The following MPDZ variants were observed in gnomAD, a reference collection of about 807,000 sequenced individuals.
The protein encoded by MPDZ is multiple PDZ domain crumbs cell polarity complex component.
A neutral mutation model predicts 239.1 loss-of-function variants in MPDZ; 234 were observed. That is an observed-to-expected ratio of 0.98 (90% CI 0.88 to 1.09). MPDZ has a LOEUF of 1.09. Ranked by LOEUF, MPDZ falls within the 50% of genes least tolerant of loss-of-function variation. MPDZ has a pLI of 0.00. For synonymous variants in MPDZ, 1,048 were observed against 881.3 expected, an observed-to-expected ratio of 1.19 and a Z score of -3.35; for missense variants, 3,175 against 2,510.0, an observed-to-expected ratio of 1.26 and a Z score of -5.66.
At position 13,119,518 on chromosome 9, in the gene MPDZ, A is replaced by AC. The variant is rs758314292; in HGVS notation, c.5362dup (p.Val1788GlyfsTer38). The stretch of plus-strand genomic sequence containing the variant: ...ATTTTTTACCTTTAGCAAAGCGGCA[A>AC]CCGCTTCTTGGGTGGCATTACGAAC... On this transcript the variant is annotated frameshift_variant, in exon 39 of 47. Coordinates refer to ENST00000319217, the MANE Select transcript of MPDZ (RefSeq NM_001378778.1). LOFTEE classifies it high-confidence loss of function. The AC allele has an allele frequency of 6.2e-7, 1 of 1,610,978 alleles. No individual in the cohort carries two copies. The highest frequency in any genetic ancestry group is 1.7e-5 in the Admixed American group (1 of 59,508).
intron 3 of MPDZ, among the ~76,000 whole-genome samples, chr9:13,239,044 A>T (rs1411673431): frequency 5.3e-5 from 8 of 152,216 alleles, no homozygotes; most frequent in Non-Finnish European, 1.2e-4. Context: ...ATAATTTATG[A>T]CTACAAACTG....
chr9:13,246,441 C>CA (rs1237883616), intron 3 of MPDZ, among the ~76,000 whole-genome samples: 1 of 151,812 alleles, frequency 6.6e-6, no homozygotes. Context: ...GACTCTGTCT[C>CA]AAAAAAATAA....
chr9:13,151,197 T>A (rs1949124126), intron 24 of MPDZ, among the ~76,000 whole-genome samples: 1 of 152,022 alleles, frequency 6.6e-6, no homozygotes, highest in Non-Finnish European at 1.5e-5. Context: ...GAAACCCTTG[T>A]GTACTGTTGG....
At chr9:13,193,117 GC>G (rs766138220) in intron 14 of MPDZ, 49 bp downstream of exon 14, 4 of 1,410,822 alleles carry the variant, frequency 2.8e-6, no homozygotes, top group Non-Finnish European at 3.7e-6. Context: ...CCTCCTGCAA[GC>G]TTTTCCATGT....
At chr9:13,113,389 T>TA (rs1162743235) in intron 41 of MPDZ, among the ~76,000 whole-genome samples, 2 of 152,230 alleles carry the variant, frequency 1.3e-5, no homozygotes. Context: ...ATGGATGCAT[T>TA]AAAAAAATTC....
intron 8 of MPDZ, among the ~76,000 whole-genome samples, chr9:13,218,370 G>C (rs1368112835): frequency 6.6e-6 from 1 of 151,728 alleles, no homozygotes; most frequent in African/African-American, 2.4e-5. Context: ...GTTTTAAAAG[G>C]GGCACAAGCT....
chr9:13,205,638 T>C (rs935275435), intron 11 of MPDZ, among the ~76,000 whole-genome samples: 4 of 152,270 alleles, frequency 2.6e-5, no homozygotes, highest in African/African-American at 9.6e-5. Context: ...GGTAAATGAC[T>C]GCCTGTTTCC....
intron 7 of MPDZ, among the ~76,000 whole-genome samples, chr9:13,220,578 T>C (rs1958985013): frequency 6.6e-6 from 1 of 152,002 alleles, no homozygotes; most frequent in Non-Finnish European, 1.5e-5. Flanking sequence ...TGCTGCTAGA[T>C]GCTAACTAAT....
At position 13,126,767 on chromosome 9, in the gene MPDZ, CT is replaced by C. The variant is rs781251438; in HGVS notation, c.4469del (p.Gln1490ArgfsTer19). ...NVQHLELPKD[Q>X]GGLGIAISEE... ...CGCTGATAGCAATACCCAAACCCCC[CT>C]GATCCTAGAAAAGTAAAAACAAAAA... On this transcript the variant is annotated frameshift_variant, in exon 33 of 47. Transcript: ENST00000319217. LOFTEE classifies it high-confidence loss of function. 90 of 1,613,656 alleles carry C rather than the reference CT, an allele frequency of 5.6e-5. No homozygotes were observed. Among genetic ancestry groups the C allele is most frequent in the African/African-American group, 4.5e-4 (34 of 75,024 alleles).
Position 13,247,797 on chromosome 9 carries a change from T to C in MPDZ, c.21A>G (p.Lys7=). Residue 7 remains lysine (K), a synonymous_variant, in exon 3 of 47, where the codon AAA becomes AAG. Coordinates refer to ENST00000319217, the MANE Select transcript of MPDZ (RefSeq NM_001378778.1). MLEAID[K]NRALHAAERL... ...GCTCTGCTGCATGCAGGGCCCGATT[T>C]TTGTCTATACCAAAGAGCAGCATTT... The C allele has an allele frequency of 6.2e-7, 1 of 1,601,868 alleles. No homozygotes were observed. The highest frequency in any genetic ancestry group is 1.1e-5 in the South Asian group (1 of 90,392).
intron 3 of MPDZ, among the ~76,000 whole-genome samples, chr9:13,225,221 G>A (rs1417619755): frequency 2.0e-5 from 3 of 151,616 alleles, no homozygotes; most frequent in East Asian, 3.9e-4. Flanking sequence ...ACTTTATAAA[G>A]GAAAAAAAAG....
intron 21 of MPDZ, among the ~76,000 whole-genome samples, chr9:13,173,384 T>C (rs572744329): frequency 6.6e-6 from 1 of 152,200 alleles, no homozygotes; most frequent in East Asian, 1.9e-4. Context: ...TTTGACAAAA[T>C]TCAGCATTCT....
At position 13,274,907 on chromosome 9, in the gene MPDZ, C is replaced by A. The variant is rs796685531; in HGVS notation, c.-58+4493G>T. On this transcript the variant is annotated intron_variant, in intron 1 of 46. Transcript: ENST00000319217. ...CATTAAAAGAAATATTTTAAGAAAA[C>A]GAATGCTTTTATAAAACACTTAAAA... Among the ~76,000 whole-genome samples, 35 of 151,898 alleles carry A rather than the reference C, an allele frequency of 2.3e-4. 1 individual carries two copies. Among genetic ancestry groups the A allele is most frequent in the African/African-American group, 8.4e-4 (35 of 41,440 alleles).
chr9:13,161,807 T>C (rs1419658838), intron 23 of MPDZ, among the ~76,000 whole-genome samples: 2 of 152,156 alleles, frequency 1.3e-5, no homozygotes, highest in Non-Finnish European at 2.9e-5. Flanking sequence ...ACCCAGTTCC[T>C]GCCTTTCCTA....
At chr9:13,214,925 T>C (rs979155538) in intron 10 of MPDZ, among the ~76,000 whole-genome samples, 14 of 152,074 alleles carry the variant, frequency 9.2e-5, no homozygotes, top group Admixed American at 7.9e-4. Context: ...CACGGAGTTA[T>C]AATGTGGACT....
rs549135790 is a variant in MPDZ at position 13,247,103 on chromosome 9, T to G, written c.183+532A>C. Among the ~76,000 whole-genome samples the G allele has an allele frequency of 3.9e-5, 6 of 152,314 alleles. No homozygotes were observed. In the East Asian group the frequency reaches 1.2e-3, roughly 29 times the overall value. ...ATGTTTATCACCATCTGAGCTGTCATGGAAGCAATTGCTACTTACACTCTT... is the reference window on the plus strand; with the variant it reads ...ATGTTTATCACCATCTGAGCTGTCAGGGAAGCAATTGCTACTTACACTCTT... On this transcript the variant is annotated intron_variant, in intron 3 of 46. Coordinates refer to ENST00000319217, the MANE Select transcript of MPDZ (RefSeq NM_001378778.1).
At chr9:13,132,192 G>C (rs1232417496) in intron 32 of MPDZ, among the ~76,000 whole-genome samples, 1 of 152,150 alleles carries the variant, frequency 6.6e-6, no homozygotes, top group East Asian at 1.9e-4. Flanking sequence ...TAAAAAAGGA[G>C]GCGAAAGGCA....
chr9:13,119,302 C>T (rs1321576487), intron 39 of MPDZ, among the ~76,000 whole-genome samples, 200 bp downstream of exon 39: 4 of 152,062 alleles, frequency 2.6e-5, no homozygotes, highest in Non-Finnish European at 5.9e-5. Context: ...CAAGGCTGGT[C>T]TCGAACCCCT....
intron 32 of MPDZ, among the ~76,000 whole-genome samples, chr9:13,130,853 T>C (rs1275068759): frequency 1.3e-5 from 2 of 152,120 alleles, no homozygotes; most frequent in Non-Finnish European, 2.9e-5. Context: ...AGAAGGAACA[T>C]ACAGGCATTT....
Sources: gnomAD v4.1 joint callset for allele counts (sites outside exome capture counted in the v4.1 genomes callset) on GRCh38, gnomAD v4.1.1 for gene constraint, MANE v1.5 for transcripts, NCBI Gene and HGNC (gene_info 2026-07-23, HGNC 2026-07-21) for gene names.